ZNF717: variants seen among roughly 807,000 people sequenced by gnomAD.
ZNF717 encodes the protein krueppel-like factor X17.
ZNF717 carries 9 observed loss-of-function variants against 13.8 expected under a neutral mutation model. The observed-to-expected ratio is 0.65, with a 90% CI of 0.39 to 1.14. ZNF717 has a LOEUF of 1.14. Among genes scored for constraint, ZNF717 ranks in the 50% most tolerant of loss-of-function variants. The pLI is 0.01. For synonymous variants in ZNF717, 327 were observed against 364.1 expected, an observed-to-expected ratio of 0.90 and a Z score of 1.16; for missense variants, 1,040 against 1,080.7, an observed-to-expected ratio of 0.96 and a Z score of 0.53.
chr3:75,722,194 A>C (rs1204037897), intron 4 of ZNF717, among the ~76,000 whole-genome samples: 1 of 152,122 alleles, frequency 6.6e-6, no homozygotes, highest in Non-Finnish European at 1.5e-5. Context: ...AAGGAGGTGG[A>C]GGTCGCAGTG....
At chr3:75,733,807 TCAA>T (rs1189461936), downstream of ZNF717, among the ~76,000 whole-genome samples, 5 of 124,722 alleles carry the variant, frequency 4.0e-5, no homozygotes, top group African/African-American at 1.5e-4. Context: ...AAAATTACAT[TCAA>T]CATCTCAGAA....
chr3:75,775,063 G>C (rs1397013562), intron 2 of ZNF717, among the ~76,000 whole-genome samples: 1 of 152,024 alleles, frequency 6.6e-6, no homozygotes, highest in African/African-American at 2.4e-5. Context: ...CTGGGTTCAA[G>C]CGATTCTCCT....
rs1938243497 is a variant in ZNF717 at position 75,724,806 on chromosome 3, G to T, written n.545-8265C>A. On this transcript the variant is annotated intron_variant and non_coding_transcript_variant, in intron 4 of 5. Transcript: ENST00000491507. Reference sequence around the variant, plus strand: ...GCACCAAAGCAGAGAACAAAAACAAGCGAAAAAGACAAGTAACATATCTGT... The same window carrying T: ...GCACCAAAGCAGAGAACAAAAACAATCGAAAAAGACAAGTAACATATCTGT... Among the ~76,000 whole-genome samples, 4 of 149,006 alleles carry T rather than the reference G, an allele frequency of 2.7e-5. No homozygotes were observed. In the South Asian group the frequency reaches 8.4e-4, roughly 31 times the overall value.
chr3:75,733,661 C>T (rs1348939050), downstream of ZNF717, among the ~76,000 whole-genome samples: 2 of 150,300 alleles, frequency 1.3e-5, no homozygotes, highest in Non-Finnish European at 3.0e-5. Flanking sequence ...AGCTCATAGT[C>T]CTAGCTACTC....
downstream of ZNF717, among the ~76,000 whole-genome samples, chr3:75,729,615 C>CAAAAAAAAAAAAAAAAAAAAAAAAAAAAA (rs369485280): frequency 8.7e-6 from 1 of 115,548 alleles, no homozygotes. Context: ...AACTCCATAT[C>CAAAAAAAAAAAAAAAAAAAAAAAAAAAAA]AAAAAAAAAA....
intron 2 of ZNF717, among the ~76,000 whole-genome samples, chr3:75,755,581 T>C (rs1485383010): frequency 2.0e-5 from 3 of 149,956 alleles, no homozygotes; most frequent in African/African-American, 7.3e-5. Context: ...AATGGAAGGA[T>C]GGGAGGGAGG....
At position 75,741,926 on chromosome 3, in the gene ZNF717, C is replaced by T. The variant is rs1427008269; in HGVS notation, c.58-190G>A. ...AGCCCAAAGATTCTTGTCAAAAGAA[C>T]AAGAATCTGGGAATTCACTCTTTGG... On this transcript the variant is annotated intron_variant, in intron 2 of 4. Coordinates refer to ENST00000652011, the MANE Select transcript of ZNF717 (RefSeq NM_001290208.3). 5.2e-5 allele frequency: 35 copies of T among 671,714 alleles called. 1 individual carries two copies. The East Asian group carries it at 9.9e-4, about 19-fold the overall frequency. 41.6% of individuals were successfully genotyped at this position (671,714 alleles called of 1,614,324 possible).
chr3:75,770,807 T>C (rs1461122321), intron 2 of ZNF717, among the ~76,000 whole-genome samples: 2 of 152,052 alleles, frequency 1.3e-5, no homozygotes, highest in Non-Finnish European at 2.9e-5. Flanking sequence ...AAACCTATGA[T>C]GGAAAGACTA....
downstream of ZNF717, among the ~76,000 whole-genome samples, chr3:75,735,152 T>A (rs1939005314): frequency 6.6e-6 from 1 of 152,210 alleles, no homozygotes; most frequent in Non-Finnish European, 1.5e-5. Flanking sequence ...TATACAAGGC[T>A]ATGTATGCTT....
At chr3:75,758,889 G>A (rs983454931) in intron 2 of ZNF717, among the ~76,000 whole-genome samples, 2 of 152,106 alleles carry the variant, frequency 1.3e-5, no homozygotes, top group African/African-American at 4.8e-5. Flanking sequence ...TGTAGTCCCA[G>A]CTAGTCAGGA....
At chr3:75,751,398 T>G (rs1485965578) in intron 2 of ZNF717, among the ~76,000 whole-genome samples, 1 of 143,332 alleles carries the variant, frequency 7.0e-6, no homozygotes, top group East Asian at 2.1e-4. Context: ...TCTCCTGCTG[T>G]GGTCTGAATG....
intron 2 of ZNF717, among the ~76,000 whole-genome samples, chr3:75,748,313 G>C (rs1382709709): frequency 6.6e-6 from 1 of 152,152 alleles, no homozygotes; most frequent in Admixed American, 6.5e-5. Context: ...AATAGAAAAA[G>C]AGGGAATCCT....
At chr3:75,706,478 G>A (rs1937805141), downstream of ZNF717, among the ~76,000 whole-genome samples, 1 of 152,310 alleles carries the variant, frequency 6.6e-6, no homozygotes, top group Non-Finnish European at 1.5e-5. Context: ...TCTAGCTGCA[G>A]CCTTGTGCTC....
intron 2 of ZNF717, among the ~76,000 whole-genome samples, chr3:75,761,394 G>A (rs188238867): frequency 9.8e-5 from 15 of 152,352 alleles, no homozygotes; most frequent in Middle Eastern, 3.4e-3. Context: ...AATAAAGATC[G>A]TACATGAAAA....
intron 4 of ZNF717, among the ~76,000 whole-genome samples, chr3:75,719,923 A>G (rs1389413746): frequency 6.6e-6 from 1 of 151,608 alleles, no homozygotes; most frequent in Non-Finnish European, 1.5e-5. Context: ...GTGCCATTGC[A>G]CTCCAGCCTG....
chr3:75,731,371 G>A (rs1454817694), downstream of ZNF717, among the ~76,000 whole-genome samples: 1 of 152,070 alleles, frequency 6.6e-6, no homozygotes, highest in East Asian at 1.9e-4. Context: ...AGTGAGCTCT[G>A]CCTCAAAAAA....
rs1181955888 is a variant in ZNF717 at position 75,738,617 on chromosome 3, C to T, written c.1006G>A (p.Glu336Lys). 6.4e-7 allele frequency: 1 copy of T among 1,552,556 alleles called. No homozygotes were observed. Among genetic ancestry groups the T allele is most frequent in the Non-Finnish European group, 8.7e-7 (1 of 1,147,724 alleles). ...CATTCATTGCATCCATAGGGCTTTT[C>T]CCCTGTGTGAATTCTCTGATGGATA... is the stretch of plus-strand genomic sequence containing the variant. ...LIIHQRIHTG[E>K]KPYGCNECGK... Residue 336 changes from glutamate (E) to lysine (K), a missense_variant, in exon 5 of 5, where the codon GAA becomes AAA. By Grantham distance (56) the Glu-to-Lys change is moderately conservative. This residue lies in a region of ZNF717 where 873 missense variants were observed against 832.8 expected (regional missense o/e 1.05). Coordinates refer to ENST00000652011, the MANE Select transcript of ZNF717 (RefSeq NM_001290208.3).
chr3:75,747,206 T>C (rs3009098), intron 2 of ZNF717, among the ~76,000 whole-genome samples: 112,189 of 151,740 alleles, frequency 0.74, 41,954 homozygotes, highest in East Asian at 0.8. Flanking sequence ...TCTGTTCTGT[T>C]CCATTGGTCT....
At chr3:75,715,205 T>A (rs1205180514) in intron 5 of ZNF717, among the ~76,000 whole-genome samples, 1 of 152,220 alleles carries the variant, frequency 6.6e-6, no homozygotes, top group Admixed American at 6.5e-5. Context: ...AGTTTAGGGT[T>A]ATATTTTCAA....
Sources: allele counts gnomAD v4.1 joint callset (sites outside exome capture counted in the v4.1 genomes callset), GRCh38; gene constraint gnomAD v4.1.1; regional missense constraint gnomAD v4.1.1; transcripts MANE v1.5; gene names NCBI Gene and HGNC (gene_info 2026-07-23, HGNC 2026-07-21).